Variants in NR5A2 observed in about 807,000 individuals in gnomAD.
NR5A2 encodes the protein nuclear receptor subfamily 5 group A member 2.
A neutral mutation model predicts 62.7 loss-of-function variants in NR5A2; 26 were observed. That is an observed-to-expected ratio of 0.41 (90% CI 0.30 to 0.58). NR5A2 has a LOEUF of 0.58. NR5A2 is among the 20% of genes least tolerant of loss of function. The pLI is 0.22. For missense variants in NR5A2, 541 were observed against 669.1 expected (o/e 0.81, Z 2.11); for synonymous variants, 246 against 241.7 (o/e 1.02, Z -0.16).
intron 5 of NR5A2, among the ~76,000 whole-genome samples, chr1:200,073,308 A>G (rs1663837661): frequency 8.4e-6 from 1 of 119,480 alleles, no homozygotes; most frequent in East Asian, 2.3e-4. Context: ...TTATATATAT[A>G]TATATATTCC....
At chr1:200,166,200 G>A (rs1389099954) in intron 7 of NR5A2, among the ~76,000 whole-genome samples, 3 of 152,106 alleles carry the variant, frequency 2.0e-5, no homozygotes, top group Non-Finnish European at 1.5e-5. Context: ...TTTGATCCGT[G>A]GGAGCTTTTT....
intron 2 of NR5A2, chr1:200,043,147 A>G (rs1016742410): frequency 5.7e-6 from 2 of 351,860 alleles, no homozygotes; most frequent in Non-Finnish European, 8.0e-6. Context: ...AGGAGATGAA[A>G]GTATCCAGAA....
chr1:200,047,118 C>T (rs1463046229), intron 4 of NR5A2, among the ~76,000 whole-genome samples: 1 of 152,208 alleles, frequency 6.6e-6, no homozygotes, highest in Non-Finnish European at 1.5e-5. Context: ...TATCAGAGGT[C>T]TCTAGTTTCT....
At chr1:200,054,362 AT>A (rs34968538) in intron 5 of NR5A2, among the ~76,000 whole-genome samples, 20,129 of 147,282 alleles carry the variant, frequency 0.14, 1,516 homozygotes, top group Middle Eastern at 0.22. Flanking sequence ...TTTTTCAGTT[AT>A]TTTTTTTTTC....
intron 5 of NR5A2, among the ~76,000 whole-genome samples, chr1:200,060,185 T>G (rs1168631185): frequency 6.6e-6 from 1 of 152,188 alleles, no homozygotes; most frequent in Non-Finnish European, 1.5e-5. Context: ...CTTTTCTTAC[T>G]TCATTAACTC....
chr1:200,173,235 GA>G (rs1654264349), intron 7 of NR5A2, among the ~76,000 whole-genome samples: 1 of 151,924 alleles, frequency 6.6e-6, no homozygotes, highest in East Asian at 1.9e-4. Flanking sequence ...GTGACCAGAA[GA>G]AAAAAAAGAA....
rs764728747 is a variant in NR5A2, at chr1:200,123,663, T to C, written c.1378+2708T>C. Among the ~76,000 whole-genome samples the C allele has an allele frequency of 3.3e-5, 5 of 152,268 alleles. No homozygotes were observed. In the East Asian group the frequency reaches 7.7e-4, roughly 23 times the overall value. ...TGAATAACTTAAGTCGATTTGCCTT[T>C]CTGGTAGCAGCATGGAAAGTGGACT... On this transcript the variant is annotated intron_variant, in intron 7 of 7. Transcript: ENST00000367362.
At position 200,092,417 on chromosome 1, in the gene NR5A2, A is replaced by G. The variant is rs539913987; in HGVS notation, c.1111-18785A>G. 3.3e-5 allele frequency among the ~76,000 whole-genome samples: 5 copies of G among 152,298 alleles called. No homozygotes were observed. In the South Asian group the frequency reaches 1.0e-3, roughly 32 times the overall value. On this transcript the variant is annotated intron_variant, in intron 5 of 7. Coordinates refer to ENST00000367362, the MANE Select transcript of NR5A2 (RefSeq NM_205860.3). ...AAGTATGTGGTCTGCGGTGGAGTCT[A>G]ATTTGTACCACTAGGCAAAGGTCAC...
chr1:200,139,043 G>A (rs1667344114), intron 7 of NR5A2, among the ~76,000 whole-genome samples: 1 of 152,088 alleles, frequency 6.6e-6, no homozygotes, highest in Admixed American at 6.5e-5. Flanking sequence ...CATGAACATA[G>A]TTCATCTTTC....
chr1:200,148,844 G>A (rs1269066509), intron 7 of NR5A2, among the ~76,000 whole-genome samples: 1 of 151,832 alleles, frequency 6.6e-6, no homozygotes, highest in Non-Finnish European at 1.5e-5. Flanking sequence ...TTATAAGGGT[G>A]GAGGTTTTTT....
chr1:200,134,853 C>T (rs995859004), intron 7 of NR5A2, among the ~76,000 whole-genome samples: 1 of 152,146 alleles, frequency 6.6e-6, no homozygotes, highest in African/African-American at 2.4e-5. Context: ...GGCATTAAGT[C>T]CACACACATT....
intron 5 of NR5A2, among the ~76,000 whole-genome samples, chr1:200,059,456 C>T (rs199599576): frequency 5.3e-5 from 8 of 152,158 alleles, no homozygotes; most frequent in Non-Finnish European, 1.2e-4. Context: ...TAATTAGGGT[C>T]CCTGCTTATT....
intron 5 of NR5A2, among the ~76,000 whole-genome samples, chr1:200,075,699 C>A (rs1276062208): frequency 6.6e-6 from 1 of 152,208 alleles, no homozygotes; most frequent in East Asian, 1.9e-4. Context: ...CGCCACCTCT[C>A]CACTTATCCA....
intron 5 of NR5A2, among the ~76,000 whole-genome samples, chr1:200,062,908 T>C (rs1375509711): frequency 6.6e-6 from 1 of 152,196 alleles, no homozygotes; most frequent in Non-Finnish European, 1.5e-5. Context: ...CTGTTTGGCA[T>C]GTAAATTAAG....
At chr1:200,117,868 C>T (rs1360570662) in intron 6 of NR5A2, among the ~76,000 whole-genome samples, 2 of 151,932 alleles carry the variant, frequency 1.3e-5, no homozygotes, top group Non-Finnish European at 2.9e-5. Flanking sequence ...CACTTGCCAC[C>T]ACGCCTGGCT....
At chr1:200,038,664 A>T (rs749878826) in intron 1 of NR5A2, 6 of 1,344,038 alleles carry the variant, frequency 4.5e-6, no homozygotes, top group South Asian at 3.4e-5. Context: ...GCACACGCCC[A>T]CCCGCGCCCC....
intron 7 of NR5A2, among the ~76,000 whole-genome samples, chr1:200,150,417 C>A (rs1409555571): frequency 6.6e-6 from 1 of 152,186 alleles, no homozygotes; most frequent in Non-Finnish European, 1.5e-5. Flanking sequence ...TATGCTACAA[C>A]AGTAAGACTC....
At chr1:200,070,466 G>T (rs1453446526) in intron 5 of NR5A2, among the ~76,000 whole-genome samples, 1 of 152,052 alleles carries the variant, frequency 6.6e-6, no homozygotes, top group Non-Finnish European at 1.5e-5. Flanking sequence ...GAATTAGGAG[G>T]ATCACTTGAG....
In NR5A2 at chr1:200,042,904, T is replaced by G; in HGVS notation, c.203-870T>G. The G allele has an allele frequency of 5.1e-6, 5 of 985,474 alleles. No individual in the cohort carries two copies. The South Asian group carries it at 2.3e-4, about 46-fold the overall frequency. The allele number at this position is 985,474 out of a possible 1,614,324, so 61.0% of individuals were successfully genotyped here. A position where few individuals can be genotyped will look rare whatever the true frequency, so the allele number is the denominator to read the frequency against. On this transcript the variant is annotated intron_variant, in intron 2 of 7. Coordinates refer to ENST00000367362, the MANE Select transcript of NR5A2 (RefSeq NM_205860.3). ...CAAGGCGGTTACCCGATCCCGGCAG[T>G]GAGCCGCGCCGCGCGTCGTGGCGGC...
Sources: allele counts gnomAD v4.1 joint callset (sites outside exome capture counted in the v4.1 genomes callset), GRCh38; gene constraint gnomAD v4.1.1; transcripts MANE v1.5; gene names NCBI Gene and HGNC (gene_info 2026-07-23, HGNC 2026-07-21).